The following HIP1 variants were observed in gnomAD, a reference collection of about 807,000 sequenced individuals.
The protein encoded by HIP1 is huntingtin interacting protein 1, also known as huntingtin-interacting protein 1.
Under a neutral mutation model 147.6 loss-of-function variants are expected in HIP1, and 65 were observed. The observed-to-expected ratio is 0.44, with a 90% CI of 0.36 to 0.54. HIP1 has a LOEUF of 0.54. Among genes scored for constraint, HIP1 ranks in the 20% least tolerant of loss-of-function variants. The probability of loss-of-function intolerance (pLI) is 0.00; values close to 1 mark genes in which losing one functional copy is unlikely to be tolerated. For synonymous variants in HIP1, 479 were observed against 504.0 expected (o/e 0.95, Z 0.67); for missense variants, 1,061 against 1,299.6 (o/e 0.82, Z 2.82).
At chr7:75,720,454 C>T (rs1801466694) in intron 1 of HIP1, among the ~76,000 whole-genome samples, 1 of 152,160 alleles carries the variant, frequency 6.6e-6, no homozygotes, top group African/African-American at 2.4e-5. Flanking sequence ...AGTTACCATG[C>T]CCAGCCTCAA....
At chr7:75,735,089 G>T (rs1250104927) in intron 1 of HIP1, among the ~76,000 whole-genome samples, 1 of 152,122 alleles carries the variant, frequency 6.6e-6, no homozygotes, top group Non-Finnish European at 1.5e-5. Flanking sequence ...CAGGCATATT[G>T]GGCTTAATTG....
intron 1 of HIP1, among the ~76,000 whole-genome samples, chr7:75,619,253 T>C (rs1179615): frequency 0.26 from 39,021 of 152,018 alleles, 6,416 homozygotes; most frequent in African/African-American, 0.48. Flanking sequence ...CCGGGCACAG[T>C]GGCTCATGCC....
chr7:75,619,161 C>G (rs1797760868), intron 1 of HIP1, among the ~76,000 whole-genome samples: 4 of 152,152 alleles, frequency 2.6e-5, no homozygotes, highest in Non-Finnish European at 5.9e-5. Context: ...GGGCCCATGG[C>G]ACTGTTAATT....
At chr7:75,684,258 C>T (rs782278633) in intron 1 of HIP1, among the ~76,000 whole-genome samples, 20 of 151,636 alleles carry the variant, frequency 1.3e-4, no homozygotes, top group Non-Finnish European at 2.4e-4. Context: ...AACAGCCTGG[C>T]CAACATGGTG....
intron 1 of HIP1, among the ~76,000 whole-genome samples, chr7:75,624,601 C>T (rs148486025): frequency 2.0e-5 from 3 of 152,296 alleles, no homozygotes; most frequent in African/African-American, 4.8e-5. Flanking sequence ...TAAAGCACAG[C>T]TCCAATCATG....
chr7:75,546,886 G>A, intron 25 of HIP1, 53 bp downstream of exon 25: 1 of 1,257,570 alleles, frequency 8.0e-7, no homozygotes, highest in Non-Finnish European at 1.1e-6. Flanking sequence ...GTTGGAGCGG[G>A]AGTCTGTCAC....
chr7:75,636,903 C>T (rs1798444730), intron 1 of HIP1, among the ~76,000 whole-genome samples: 1 of 152,126 alleles, frequency 6.6e-6, no homozygotes, highest in African/African-American at 2.4e-5. Flanking sequence ...GATTTCAAAC[C>T]TCTGTACCAG....
rs1794150026 is a variant in HIP1 at position 75,537,963 on chromosome 7, G to A, written c.*209C>T. 1.7e-6 allele frequency: 1 copy of A among 598,626 alleles called. No individual in the cohort carries two copies. The highest frequency in any genetic ancestry group is 3.1e-6 in the Non-Finnish European group (1 of 325,972). 37.1% of individuals were successfully genotyped at this position (598,626 alleles called of 1,614,324 possible). Reference sequence around the variant, plus strand: ...GCCTGGATGCTAACTAGGGAGGCGGGAAAAGAACAGAGATGACCATGGGTC... The same window carrying A: ...GCCTGGATGCTAACTAGGGAGGCGGAAAAAGAACAGAGATGACCATGGGTC... On this transcript the variant is annotated 3_prime_UTR_variant, in exon 31 of 31. Transcript: ENST00000336926.
In HIP1 at chr7:75,542,951, G is replaced by A. The variant is rs1167794; in HGVS notation, c.2790C>T (p.Pro930=). ...AGGCCTGCTGCAGCTGGGCTAGGTTGGGGCTGTCCTTATCAGCTTTCACCT... is the reference window on the plus strand; with the variant it reads ...AGGCCTGCTGCAGCTGGGCTAGGTTAGGGCTGTCCTTATCAGCTTTCACCT... ...ASKVKADKDS[P]NLAQLQQASR... The change falls in exon 28 of 31, where the codon CCC becomes CCT. Residue 930 remains proline, a synonymous_variant. Transcript: ENST00000336926. 0.15 allele frequency: 246,158 copies of A among 1,613,358 alleles called. 20,435 individuals are homozygous for A. Among genetic ancestry groups the A allele is most frequent in the Non-Finnish European group, 0.17 (200,236 of 1,179,572 alleles).
In HIP1 at chr7:75,719,275, C is replaced by T. The variant is rs187263738; in HGVS notation, c.120+19526G>A. Among the ~76,000 whole-genome samples the T allele has an allele frequency of 5.1e-3, 774 of 152,096 alleles. 2 individuals carry two copies. Among genetic ancestry groups the T allele is most frequent in the Non-Finnish European group, 7.7e-3 (522 of 68,004 alleles). Reference sequence around the variant, plus strand: ...ATCCCAGCACTTTGGGAGGCCAAGGCGGGCGGATCATGAGGTCAGGAGATC... The same window carrying T: ...ATCCCAGCACTTTGGGAGGCCAAGGTGGGCGGATCATGAGGTCAGGAGATC... On this transcript the variant is annotated intron_variant, in intron 1 of 30. Coordinates refer to ENST00000336926, the MANE Select transcript of HIP1 (RefSeq NM_005338.7).
chr7:75,534,425 TTCTC>T lies in HIP1; in HGVS notation c.*3743_*3746del, dbSNP rs1198328673. On this transcript the variant is annotated 3_prime_UTR_variant, in exon 31 of 31. Transcript: ENST00000336926. Reference sequence around the variant, plus strand: ...AAGATGGCTCTTCTCTTCTATTTCTTTCTCTCTCTCTCTCTTTTTTTTTTTTGAG... The same window carrying T: ...AAGATGGCTCTTCTCTTCTATTTCTTTCTCTCTCTCTTTTTTTTTTTTGAG... 2.3e-4 allele frequency: 43 copies of T among 188,592 alleles called. No homozygotes were observed. The highest frequency in any genetic ancestry group is 3.8e-3 in the Middle Eastern group (2 of 530). The allele number at this position is 188,592 out of a possible 1,614,324, so 11.7% of individuals were successfully genotyped here. A position where few individuals can be genotyped will look rare whatever the true frequency, so the allele number is the denominator to read the frequency against.
At chr7:75,555,630 T>C in intron 18 of HIP1, 79 bp from the exon 19 acceptor site, 1 of 1,497,012 alleles carries the variant, frequency 6.7e-7, no homozygotes, top group Non-Finnish European at 9.2e-7. Flanking sequence ...CTGGGGCTCT[T>C]AGCATCTTAG....
At chr7:75,567,412 C>T (rs1424588609) in intron 9 of HIP1, among the ~76,000 whole-genome samples, 9 of 151,518 alleles carry the variant, frequency 5.9e-5, no homozygotes, top group African/African-American at 2.2e-4. Context: ...CTTCTATATG[C>T]TTCTATGGGA....
At chr7:75,562,215 G>T in intron 11 of HIP1, 45 bp from the exon 12 acceptor site, 1 of 1,307,446 alleles carries the variant, frequency 7.6e-7, no homozygotes, top group South Asian at 1.2e-5. Context: ...GAGAGCCAGA[G>T]AATTCTGTGT....
chr7:75,549,247 C>T (rs1462677470), intron 22 of HIP1, among the ~76,000 whole-genome samples: 1 of 152,156 alleles, frequency 6.6e-6, no homozygotes, highest in African/African-American at 2.4e-5. Flanking sequence ...CTGCCTCCCC[C>T]TGCAAGGCCA....
chr7:75,639,499 C>T (rs1798568584), intron 1 of HIP1, among the ~76,000 whole-genome samples: 1 of 151,784 alleles, frequency 6.6e-6, no homozygotes, highest in African/African-American at 2.4e-5. Flanking sequence ...TGGCTTCTCC[C>T]CAGAGTTCCC....
intron 1 of HIP1, among the ~76,000 whole-genome samples, chr7:75,642,831 G>A (rs1554510659): frequency 2.6e-5 from 4 of 152,168 alleles, no homozygotes. Flanking sequence ...CATTTCCCTA[G>A]GATGGGAGGG....
intron 27 of HIP1, 119 bp from the exon 28 acceptor site, chr7:75,543,093 G>T: frequency 9.5e-7 from 1 of 1,048,158 alleles, no homozygotes; most frequent in Non-Finnish European, 1.3e-6. Context: ...TCACCAATCA[G>T]CTTCTCAAAA....
At chr7:75,736,335 AT>A (rs1802020218) in intron 1 of HIP1, among the ~76,000 whole-genome samples, 1 of 151,842 alleles carries the variant, frequency 6.6e-6, no homozygotes. Context: ...ATATTTCTCT[AT>A]TGCTCTAGTT....
Sources: gnomAD v4.1 joint callset for allele counts (sites outside exome capture counted in the v4.1 genomes callset) on GRCh38, gnomAD v4.1.1 for gene constraint, MANE v1.5 for transcripts, NCBI Gene and HGNC (gene_info 2026-07-23, HGNC 2026-07-21) for gene names.